FRMD4A: variants seen among roughly 807,000 people sequenced by gnomAD.
FRMD4A encodes the protein FERM domain containing 4A.
A neutral mutation model predicts 129.1 loss-of-function variants in FRMD4A; 29 were observed. The observed-to-expected ratio is 0.22, with a 90% CI of 0.17 to 0.31. The LOEUF (loss-of-function observed/expected upper bound fraction) is 0.31, where lower values mean the gene tolerates loss of function less well. Ranked by LOEUF, FRMD4A falls within the 10% of genes least tolerant of loss-of-function variation. The pLI, the probability that FRMD4A is intolerant of heterozygous loss-of-function variation, is 1.00. For missense variants in FRMD4A, 1,272 were observed against 1,375.8 expected (o/e 0.92, Z 1.19); for synonymous variants, 634 against 571.6 (o/e 1.11, Z -1.56).
Position 14,330,845 on chromosome 10 carries a change from A to C in FRMD4A, c.-330T>G. The C allele has an allele frequency of 2.5e-6, 1 of 398,708 alleles. No homozygotes were observed. Among genetic ancestry groups the C allele is most frequent in the Non-Finnish European group, 4.4e-6 (1 of 226,184 alleles). The allele number at this position is 398,708 out of a possible 1,614,324, so 24.7% of individuals were successfully genotyped here. On this transcript the variant is annotated 5_prime_UTR_variant, in exon 1 of 25. Coordinates refer to ENST00000357447, the MANE Select transcript of FRMD4A (RefSeq NM_018027.5). ...GCTCCCGGTAGGGCTAACATACTTA[A>C]GAGGAACATGGAATTGCACTGCCTG... is the stretch of plus-strand genomic sequence containing the variant.
At chr10:14,146,302 C>A (rs1217630768) in intron 2 of FRMD4A, among the ~76,000 whole-genome samples, 2 of 152,160 alleles carry the variant, frequency 1.3e-5, no homozygotes, top group Admixed American at 6.5e-5. Context: ...AAAAGTGATT[C>A]CTACAAGACG....
At chr10:13,885,201 A>G (rs577139482) in intron 2 of FRMD4A, among the ~76,000 whole-genome samples, 1 of 152,254 alleles carries the variant, frequency 6.6e-6, no homozygotes, top group Non-Finnish European at 1.5e-5. Context: ...CCTGGGAAAC[A>G]TAGCAAGATC....
chr10:13,908,282 G>C (rs1336696745), intron 2 of FRMD4A, among the ~76,000 whole-genome samples: 1 of 150,640 alleles, frequency 6.6e-6, no homozygotes, highest in Non-Finnish European at 1.5e-5. Flanking sequence ...GAGAGAGCTT[G>C]CTAAAGCCAT....
At chr10:13,724,979 C>CA (rs1419131364) in intron 12 of FRMD4A, among the ~76,000 whole-genome samples, 14 of 152,344 alleles carry the variant, frequency 9.2e-5, no homozygotes, top group Admixed American at 2.0e-4. Flanking sequence ...GAGTCAAAGA[C>CA]AGACGTGGGG....
chr10:14,170,933 C>A, intron 2 of FRMD4A, among the ~76,000 whole-genome samples: 1 of 152,006 alleles, frequency 6.6e-6, no homozygotes, highest in East Asian at 1.9e-4. Context: ...AAGACTTGGC[C>A]TGATTTCATG....
intron 2 of FRMD4A, among the ~76,000 whole-genome samples, chr10:14,056,306 A>G (rs1240173882): frequency 6.6e-6 from 1 of 152,132 alleles, no homozygotes; most frequent in African/African-American, 2.4e-5. Context: ...TGCTGGGATT[A>G]CAGGCGTGAG....
At chr10:13,885,202 T>C (rs2094604777) in intron 2 of FRMD4A, among the ~76,000 whole-genome samples, 2 of 152,210 alleles carry the variant, frequency 1.3e-5, no homozygotes, top group Non-Finnish European at 2.9e-5. Flanking sequence ...CTGGGAAACA[T>C]AGCAAGATCC....
At chr10:14,039,381 TCCATCCATCC>T (rs1565204380) in intron 2 of FRMD4A, among the ~76,000 whole-genome samples, 5,276 of 140,266 alleles carry the variant, frequency 0.038, 128 homozygotes, top group Admixed American at 0.05. Context: ...CATCCATCCA[TCCATCCATCC>T]ATCCATCCAT....
intron 5 of FRMD4A, among the ~76,000 whole-genome samples, chr10:13,790,691 A>C (rs2092979739): frequency 8.4e-6 from 1 of 119,602 alleles, no homozygotes; most frequent in Non-Finnish European, 2.0e-5. Context: ...AGAGACCTCC[A>C]GTGACCAGGG....
At chr10:13,917,894 C>G (rs750660294) in intron 2 of FRMD4A, among the ~76,000 whole-genome samples, 1 of 152,128 alleles carries the variant, frequency 6.6e-6, no homozygotes, top group African/African-American at 2.4e-5. Context: ...GCTGATAGCA[C>G]GGGGAGTATT....
chr10:14,168,650 T>C lies in FRMD4A; in HGVS notation c.45+161408A>G, dbSNP rs574223229. Among the ~76,000 whole-genome samples, 6 of 152,346 alleles carry C rather than the reference T, an allele frequency of 3.9e-5. No homozygotes were observed. In the East Asian group the frequency reaches 1.2e-3, roughly 29 times the overall value. ...GTCATGAGATTTGCACTTCTTCACA[T>C]ATTCATTCACATATTTGTTTACACA... On this transcript the variant is annotated intron_variant, in intron 2 of 24. Transcript: ENST00000357447.
At chr10:14,317,996 A>G (rs1846811025) in intron 2 of FRMD4A, among the ~76,000 whole-genome samples, 1 of 152,144 alleles carries the variant, frequency 6.6e-6, no homozygotes, top group African/African-American at 2.4e-5. Flanking sequence ...CTTCATGCCC[A>G]TGGGATGTGT....
chr10:13,980,249 C>T (rs910887957), intron 2 of FRMD4A, among the ~76,000 whole-genome samples: 6 of 152,156 alleles, frequency 3.9e-5, no homozygotes, highest in Non-Finnish European at 2.9e-5. Flanking sequence ...CTCTGCTGAC[C>T]ACAGCACTGT....
At chr10:13,934,342 A>G (rs770385958) in intron 2 of FRMD4A, among the ~76,000 whole-genome samples, 4 of 152,400 alleles carry the variant, frequency 2.6e-5, no homozygotes, top group East Asian at 1.9e-4. Context: ...TTTAGAGAAA[A>G]GTCTGAACTC....
intron 2 of FRMD4A, among the ~76,000 whole-genome samples, chr10:14,089,669 A>G (rs1836544436): frequency 1.3e-5 from 2 of 151,820 alleles, no homozygotes; most frequent in Non-Finnish European, 2.9e-5. Flanking sequence ...AGAAAGAAAT[A>G]AAAGAACCAG....
chr10:14,232,884 C>T (rs746988024), intron 2 of FRMD4A, among the ~76,000 whole-genome samples: 1 of 152,162 alleles, frequency 6.6e-6, no homozygotes, highest in Non-Finnish European at 1.5e-5. Flanking sequence ...GATAGTTTGG[C>T]TTCCTCTCTT....
chr10:13,851,061 A>G (rs1467846100), intron 3 of FRMD4A, among the ~76,000 whole-genome samples: 2 of 152,192 alleles, frequency 1.3e-5, no homozygotes, highest in African/African-American at 2.4e-5. Context: ...CAAACACACA[A>G]AAATTAGCCG....
chr10:13,835,854 C>T (rs2093864730), intron 3 of FRMD4A, among the ~76,000 whole-genome samples: 1 of 152,164 alleles, frequency 6.6e-6, no homozygotes, highest in Non-Finnish European at 1.5e-5. Flanking sequence ...CCCCTTTCAC[C>T]AGTCTGGAAA....
intron 2 of FRMD4A, among the ~76,000 whole-genome samples, chr10:14,226,829 C>T (rs963096871): frequency 6.6e-6 from 1 of 152,168 alleles, no homozygotes; most frequent in Non-Finnish European, 1.5e-5. Context: ...TCCTTCTTGC[C>T]TGTCTCCTGG....
Sources: gnomAD v4.1 joint callset for allele counts (sites outside exome capture counted in the v4.1 genomes callset) on GRCh38, gnomAD v4.1.1 for gene constraint, MANE v1.5 for transcripts, NCBI Gene and HGNC (gene_info 2026-07-23, HGNC 2026-07-21) for gene names.